The following INSR variants were observed in gnomAD, a reference collection of about 807,000 sequenced individuals.
The protein encoded by INSR is IR.
Under a neutral mutation model 142.6 loss-of-function variants are expected in INSR, and 67 were observed. The ratio of observed to expected loss-of-function variants is 0.47; its 90% CI spans 0.39 to 0.58. The LOEUF is 0.58. INSR is among the 20% of genes least tolerant of loss of function. The pLI, the probability that INSR is intolerant of heterozygous loss-of-function variation, is 0.00. For synonymous variants in INSR, 756 were observed against 743.1 expected, an observed-to-expected ratio of 1.02 and a Z score of -0.28; for missense variants, 1,248 against 1,833.2, an observed-to-expected ratio of 0.68 and a Z score of 5.83.
At chr19:7,263,072 G>A (rs1010350985) in intron 2 of INSR, among the ~76,000 whole-genome samples, 1 of 152,124 alleles carries the variant, frequency 6.6e-6, no homozygotes, top group Admixed American at 6.6e-5. Context: ...GAGGCCAGGG[G>A]TTTGAGACCA....
At chr19:7,291,268 A>C (rs1368721118) in intron 1 of INSR, among the ~76,000 whole-genome samples, 1 of 152,184 alleles carries the variant, frequency 6.6e-6, no homozygotes, top group African/African-American at 2.4e-5. Context: ...CTGCAGCCAC[A>C]CTAGCTAGAT....
intron 13 of INSR, 155 bp downstream of exon 13, chr19:7,141,522 G>A (rs779958378): frequency 3.4e-5 from 35 of 1,027,170 alleles, no homozygotes; most frequent in East Asian, 7.9e-5. Context: ...ATCTTCCTGC[G>A]AAGTCAGGTA....
At position 7,226,203 on chromosome 19, in the gene INSR, C is replaced by T. The variant is rs142230180; in HGVS notation, c.652+41142G>A. ...TGGGAGGATCACGAGGTCAAGAGAT[C>T]GAGACCATCCTGGCCAACATGGTGA... On this transcript the variant is annotated intron_variant, in intron 2 of 21. Coordinates refer to ENST00000302850, the MANE Select transcript of INSR (RefSeq NM_000208.4). 5.0e-3 allele frequency among the ~76,000 whole-genome samples: 746 copies of T among 149,052 alleles called. 16 individuals are homozygous for T. Among genetic ancestry groups the T allele is most frequent in the East Asian group, 0.049 (241 of 4,930 alleles).
At chr19:7,146,763 T>C (rs1973196801) in intron 11 of INSR, among the ~76,000 whole-genome samples, 1 of 152,230 alleles carries the variant, frequency 6.6e-6, no homozygotes, top group Admixed American at 6.5e-5. Flanking sequence ...ACTTAATTTT[T>C]CTGCTTCTTT....
At chr19:7,200,283 C>T (rs1028099294) in intron 2 of INSR, among the ~76,000 whole-genome samples, 14 of 152,156 alleles carry the variant, frequency 9.2e-5, no homozygotes, top group African/African-American at 2.7e-4. Flanking sequence ...CTGAAGCCAT[C>T]GGGGAGGTGG....
intron 20 of INSR, among the ~76,000 whole-genome samples, chr19:7,120,337 C>T (rs1165727327): frequency 6.6e-6 from 1 of 152,200 alleles, no homozygotes; most frequent in Non-Finnish European, 1.5e-5. Context: ...GGCACCTGTC[C>T]TCAGGACCAC....
At chr19:7,292,776 A>G (rs1163352569) in intron 1 of INSR, among the ~76,000 whole-genome samples, 1 of 152,130 alleles carries the variant, frequency 6.6e-6, no homozygotes, top group Non-Finnish European at 1.5e-5. Flanking sequence ...AAAGGTGCCT[A>G]TTGTCAAGCC....
intron 13 of INSR, among the ~76,000 whole-genome samples, chr19:7,132,592 C>T (rs996374130): frequency 2.0e-5 from 3 of 150,860 alleles, no homozygotes; most frequent in African/African-American, 7.3e-5. Context: ...CTTTTCTTTT[C>T]CTTTTTTTTT....
At position 7,168,011 on chromosome 19, in the gene INSR, C is replaced by T; in HGVS notation, c.1567G>A (p.Asp523Asn). 6.2e-7 allele frequency: 1 copy of T among 1,614,024 alleles called. No individual in the cohort carries two copies. Among genetic ancestry groups the T allele is most frequent in the Non-Finnish European group, 8.5e-7 (1 of 1,179,990 alleles). ...ATGAACCCCAAGAGGTCTCGGAAGT[C>T]GGGGGGCCAGTACGGCTCCCATCTC... is the stretch of plus-strand genomic sequence containing the variant. ...LLRWEPYWPP[D>N]FRDLLGFMLF... is the part of the protein sequence containing the mutation. The change falls in exon 7 of 22, where the codon GAC (aspartate) becomes AAC (asparagine). Residue 523 changes from aspartate to asparagine, a missense_variant. By Grantham distance (23) the Asp-to-Asn change is conservative. Around this residue, in one of 3 missense-constraint regions of INSR, gnomAD observed 1,069 missense variants for 1,654.0 expected, o/e 0.65. Transcript: ENST00000302850. This position sits in a 1 kb window ranked among gnomAD's most constrained non-coding sequence, Gnocchi z 4.3.
In INSR at chr19:7,293,990, G is replaced by T; in HGVS notation, c.-99C>A. 2.7e-6 allele frequency: 3 copies of T among 1,108,386 alleles called. No homozygotes were observed. The highest frequency in any genetic ancestry group is 2.2e-6 in the Non-Finnish European group (2 of 906,944). The allele number at this position is 1,108,386 out of a possible 1,614,324, so 68.7% of individuals were successfully genotyped here. On this transcript the variant is annotated 5_prime_UTR_variant, in exon 1 of 22. Transcript: ENST00000302850. ...CCACCCAAGAGGCGCTGGGGGCCGCGCGTCCTTCTCTTCCACGCCCGCGAC... is the reference window on the plus strand; with the variant it reads ...CCACCCAAGAGGCGCTGGGGGCCGCTCGTCCTTCTCTTCCACGCCCGCGAC...
chr19:7,221,165 G>C (rs963188810), intron 2 of INSR, among the ~76,000 whole-genome samples: 2 of 151,814 alleles, frequency 1.3e-5, no homozygotes, highest in Non-Finnish European at 1.5e-5. Context: ...CTTGAGGTGA[G>C]GAGTTTGAGA....
At chr19:7,281,241 A>G (rs953082214) in intron 1 of INSR, among the ~76,000 whole-genome samples, 1 of 152,172 alleles carries the variant, frequency 6.6e-6, no homozygotes, top group African/African-American at 2.4e-5. Context: ...GTAACTGGGT[A>G]TAATTAGGAG....
At chr19:7,167,226 CTGTG>C (rs1280341229) in intron 7 of INSR, among the ~76,000 whole-genome samples, 1 of 152,098 alleles carries the variant, frequency 6.6e-6, no homozygotes, top group African/African-American at 2.4e-5. Flanking sequence ...TAAGATTAGA[CTGTG>C]TGTCAGTGCT....
chr19:7,163,948 A>AAAAAAAAAAAAAAT lies in INSR; in HGVS notation c.1862-750_1862-749insATTTTTTTTTTTTT, dbSNP rs1411048837. Among the ~76,000 whole-genome samples, 345 of 135,848 alleles carry AAAAAAAAAAAAAAT rather than the reference A, an allele frequency of 2.5e-3. 7 individuals carry two copies. The highest frequency in any genetic ancestry group is 3.0e-3 in the Non-Finnish European group (197 of 64,902). 89.1% of individuals were successfully genotyped at this position (135,848 alleles called of 152,430 possible). ...ACTAAAAAAAAAAAAAAAAAAAAAA[A>AAAAAAAAAAAAAAT]ATTAGCTGGACATGGTGGTGGGCGC... On this transcript the variant is annotated intron_variant, in intron 8 of 21. Coordinates refer to ENST00000302850, the MANE Select transcript of INSR (RefSeq NM_000208.4).
chr19:7,216,534 G>C lies in INSR; in HGVS notation c.653-31897C>G, dbSNP rs1975438587. On this transcript the variant is annotated intron_variant, in intron 2 of 21. Coordinates refer to ENST00000302850, the MANE Select transcript of INSR (RefSeq NM_000208.4). This position sits in a 1 kb window ranked among gnomAD's most constrained non-coding sequence, Gnocchi z 4.2. ...ACCACGGGGGATGTCCCCGGGCTCT[G>C]GGTTCGAAAATGCAGGCCCCTTGTA... Among the ~76,000 whole-genome samples, 1 of 152,148 alleles carries C rather than the reference G, an allele frequency of 6.6e-6. No individual in the cohort carries two copies. The highest frequency in any genetic ancestry group is 1.5e-5 in the Non-Finnish European group (1 of 68,022).
rs187208046 is a variant in INSR, at chr19:7,276,417, A to G, written c.101-8521T>C. ...GTCGGCCTCCCAGTGTGCTGGGAGT[A>G]TGGGTGTGAGCCATCAAGCCCGGCC... On this transcript the variant is annotated intron_variant, in intron 1 of 21. Transcript: ENST00000302850. Among the ~76,000 whole-genome samples the G allele has an allele frequency of 4.0e-3, 603 of 151,484 alleles. 4 individuals are homozygous for G. Among genetic ancestry groups the G allele is most frequent in the African/African-American group, 0.014 (579 of 41,306 alleles).
chr19:7,212,620 T>A (rs183960529), intron 2 of INSR, among the ~76,000 whole-genome samples: 1 of 152,078 alleles, frequency 6.6e-6, no homozygotes, highest in Non-Finnish European at 1.5e-5. Flanking sequence ...AGTTTCACTC[T>A]TGTTGCCCAG....
At position 7,170,684 on chromosome 19, in the gene INSR, G is replaced by A; in HGVS notation, c.1336C>T (p.Leu446Phe). The A allele has an allele frequency of 6.2e-7, 1 of 1,614,034 alleles. No homozygotes were observed. Among genetic ancestry groups the A allele is most frequent in the Non-Finnish European group, 8.5e-7 (1 of 1,180,002 alleles). Residue 446 changes from leucine (L) to phenylalanine (F), a missense_variant, in exon 6 of 22, where the codon CTC (leucine) becomes TTC (phenylalanine). By Grantham distance (22) the Leu-to-Phe change is conservative. Coordinates refer to ENST00000302850, the MANE Select transcript of INSR (RefSeq NM_000208.4). ...RQLWDWSKHN[L>F]TITQGKLFFH... ...AAGAGTTTCCCCTGAGTGATGGTGA[G>A]GTTGTGTTTGCTCCAGTCCCAGAGC...
chr19:7,123,185 T>G, intron 17 of INSR, 196 bp from the exon 18 acceptor site: 1 of 576,898 alleles, frequency 1.7e-6, no homozygotes. Flanking sequence ...TTTTTTTAAT[T>G]TTCGAGACGG....
Sources: gnomAD v4.1 joint callset for allele counts (sites outside exome capture counted in the v4.1 genomes callset) on GRCh38, gnomAD v4.1.1 for gene constraint, gnomAD v4.1.1 regional missense constraint, Gnocchi (gnomAD v3.1) non-coding constraint, MANE v1.5 for transcripts, NCBI Gene and HGNC (gene_info 2026-07-23, HGNC 2026-07-21) for gene names.